Variants in CHRM2 observed in about 807,000 individuals in gnomAD.
CHRM2 encodes cholinergic receptor muscarinic 2, also known as muscarinic acetylcholine receptor M2.
In CHRM2, 8 loss-of-function variants were observed where a neutral mutation model predicts 25.0. That is an observed-to-expected ratio of 0.32 (90% CI 0.19 to 0.58). The LOEUF (loss-of-function observed/expected upper bound fraction) is 0.58. CHRM2 is among the 20% of genes least tolerant of loss of function. CHRM2 has a pLI of 0.88. For synonymous variants in CHRM2, 202 were observed against 205.7 expected (o/e 0.98, Z 0.15); for missense variants, 440 against 567.1 (o/e 0.78, Z 2.28).
At chr7:136,955,534 C>T (rs2130870890) in intron 2 of CHRM2, among the ~76,000 whole-genome samples, 1 of 152,296 alleles carries the variant, frequency 6.6e-6, no homozygotes, top group South Asian at 2.1e-4. Flanking sequence ...GTTGGATGAG[C>T]TCTGTATCCA....
In CHRM2 at chr7:136,868,889, C is replaced by G. The variant is rs966700009; in HGVS notation, c.-386C>G. ...TAGGTGTTGCCTCCCAAAACTAATT[C>G]CTACTTCCCCAAGCACTTTGGTGAA... On this transcript the variant is annotated 5_prime_UTR_variant, in exon 1 of 4. Transcript: ENST00000680005. 2.4e-4 allele frequency: 37 copies of G among 152,240 alleles called. No homozygotes were observed. The highest frequency in any genetic ancestry group is 7.2e-4 in the African/African-American group (30 of 41,450). The allele number at this position is 152,240 out of a possible 1,614,324, so 9.4% of individuals were successfully genotyped here. A position where few individuals can be genotyped will look rare whatever the true frequency, so the allele number is the denominator to read the frequency against.
intron 2 of CHRM2, among the ~76,000 whole-genome samples, chr7:136,877,796 T>C (rs1290751747): frequency 2.0e-5 from 3 of 152,040 alleles, no homozygotes; most frequent in African/African-American, 7.2e-5. Flanking sequence ...ATTCTTCTGT[T>C]TGAATAAAGC....
At chr7:136,992,822 C>G (rs1042667625) in intron 3 of CHRM2, among the ~76,000 whole-genome samples, 2 of 152,086 alleles carry the variant, frequency 1.3e-5, no homozygotes, top group African/African-American at 4.8e-5. Flanking sequence ...ATCATTAAGG[C>G]AGGCCAGCAG....
At chr7:136,904,131 T>C (rs1028371191) in intron 2 of CHRM2, among the ~76,000 whole-genome samples, 1 of 151,906 alleles carries the variant, frequency 6.6e-6, no homozygotes. Context: ...GAGTTATCTT[T>C]GGCTGAAATT....
chr7:136,923,606 G>T (rs1241115008), intron 2 of CHRM2, among the ~76,000 whole-genome samples: 3 of 152,132 alleles, frequency 2.0e-5, no homozygotes, highest in Non-Finnish European at 4.4e-5. Context: ...CTACAGAATA[G>T]AATCCACACA....
intron 3 of CHRM2, among the ~76,000 whole-genome samples, chr7:137,007,918 A>T (rs1004707379): frequency 9.2e-5 from 14 of 152,092 alleles, no homozygotes; most frequent in African/African-American, 3.4e-4. Context: ...TCTCTCTGGC[A>T]TCATTAATGG....
chr7:136,904,744 T>A (rs182919224), intron 2 of CHRM2, among the ~76,000 whole-genome samples: 74 of 152,092 alleles, frequency 4.9e-4, no homozygotes, highest in African/African-American at 1.8e-3. Flanking sequence ...TGCTTTAGTC[T>A]CATCTAAATG....
chr7:136,985,983 C>T (rs1802829357), intron 2 of CHRM2, among the ~76,000 whole-genome samples: 1 of 152,180 alleles, frequency 6.6e-6, no homozygotes, highest in Non-Finnish European at 1.5e-5. Context: ...AGAGGGGGAT[C>T]TTAAGCATAA....
In CHRM2 at chr7:137,018,908, G is replaced by C. The variant is rs1056171772; in HGVS notation, c.*2642G>C. On this transcript the variant is annotated 3_prime_UTR_variant, in exon 4 of 4. Coordinates refer to ENST00000680005, the MANE Select transcript of CHRM2 (RefSeq NM_001006630.2). ...ACTGCTGGATTTGTCTATTTCAGTG[G>C]CTCTCAAACAGAGACAATTCCCCTC... is the stretch of plus-strand genomic sequence containing the variant. 6.6e-6 allele frequency: 1 copy of C among 151,914 alleles called. No homozygotes were observed. Among genetic ancestry groups the C allele is most frequent in the Non-Finnish European group, 1.5e-5 (1 of 67,912 alleles). 9.4% of individuals were successfully genotyped at this position (151,914 alleles called of 1,614,324 possible).
intron 2 of CHRM2, among the ~76,000 whole-genome samples, chr7:136,885,966 A>C (rs1472659162): frequency 6.6e-6 from 1 of 152,136 alleles, no homozygotes; most frequent in Non-Finnish European, 1.5e-5. Flanking sequence ...TTTTGGGGAA[A>C]TGGAAAGGAA....
chr7:136,919,323 A>T (rs951616833), intron 2 of CHRM2, among the ~76,000 whole-genome samples: 10 of 152,252 alleles, frequency 6.6e-5, no homozygotes, highest in African/African-American at 2.2e-4. Context: ...AGATAGAAGT[A>T]CTTCTTTACA....
At chr7:136,980,474 T>G (rs571020987) in intron 2 of CHRM2, among the ~76,000 whole-genome samples, 3 of 152,318 alleles carry the variant, frequency 2.0e-5, no homozygotes, top group Admixed American at 2.0e-4. Flanking sequence ...GAACTTCCAA[T>G]ACTTTGTTAA....
At chr7:136,980,236 GCT>G (rs1176677044) in intron 2 of CHRM2, among the ~76,000 whole-genome samples, 1 of 152,018 alleles carries the variant, frequency 6.6e-6, no homozygotes, top group African/African-American at 2.4e-5. Context: ...TCATGATTTG[GCT>G]CTCTGTTTGT....
chr7:136,886,203 T>C (rs538566859), intron 2 of CHRM2, among the ~76,000 whole-genome samples: 1 of 152,328 alleles, frequency 6.6e-6, no homozygotes, highest in East Asian at 1.9e-4. Flanking sequence ...AATGGCAACA[T>C]CTAGCTTATG....
intron 2 of CHRM2, among the ~76,000 whole-genome samples, chr7:136,933,912 G>A (rs150351415): frequency 5.9e-5 from 9 of 152,072 alleles, no homozygotes; most frequent in African/African-American, 2.2e-4. Flanking sequence ...TTGTGAGTTT[G>A]GGAAAATTGC....
intron 2 of CHRM2, among the ~76,000 whole-genome samples, chr7:136,954,769 T>C (rs6964102): frequency 0.65 from 97,961 of 151,766 alleles, 32,080 homozygotes; most frequent in African/African-American, 0.68. Context: ...TCTTCCATCC[T>C]CGTAGCTGCC....
chr7:137,000,593 G>GGAAGGAA (rs1803962534), intron 3 of CHRM2, among the ~76,000 whole-genome samples: 1 of 42,960 alleles, frequency 2.3e-5, no homozygotes, highest in African/African-American at 8.9e-5. Context: ...GGAAGGAAGG[G>GGAAGGAA]AAAAAAAGCA....
intron 2 of CHRM2, among the ~76,000 whole-genome samples, chr7:136,918,965 T>C (rs1415618392): frequency 6.6e-6 from 1 of 152,142 alleles, no homozygotes; most frequent in Non-Finnish European, 1.5e-5. Context: ...TAAATAGCTA[T>C]CATTAATGGT....
chr7:136,901,042 C>T (rs1451591930), intron 2 of CHRM2, among the ~76,000 whole-genome samples: 2 of 151,920 alleles, frequency 1.3e-5, no homozygotes, highest in African/African-American at 2.4e-5. Flanking sequence ...AGTACATACA[C>T]AAAAAACCTC....
Sources: gnomAD v4.1 joint callset for allele counts (sites outside exome capture counted in the v4.1 genomes callset) on GRCh38, gnomAD v4.1.1 for gene constraint, MANE v1.5 for transcripts, NCBI Gene and HGNC (gene_info 2026-07-23, HGNC 2026-07-21) for gene names.